ADAM29: variants seen among roughly 807,000 people sequenced by gnomAD.
The protein encoded by ADAM29 is disintegrin and metalloproteinase domain-containing protein 29.
For synonymous variants in ADAM29, 367 were observed against 342.3 expected (o/e 1.07, Z -0.80); for missense variants, 969 against 1,001.8 (o/e 0.97, Z 0.44).
chr4:174,974,339 G>A (rs1746632598), intron 4 of ADAM29, among the ~76,000 whole-genome samples: 1 of 152,212 alleles, frequency 6.6e-6, no homozygotes, highest in South Asian at 2.1e-4. Context: ...CTAGCACCCA[G>A]TTTGGGATAT....
intron 4 of ADAM29, among the ~76,000 whole-genome samples, chr4:174,952,214 A>C (rs1443818573): frequency 6.6e-6 from 1 of 152,154 alleles, no homozygotes; most frequent in Non-Finnish European, 1.5e-5. Flanking sequence ...AACATTTGAC[A>C]TGAGGGCTCT....
chr4:174,923,981 G>C (rs1010619601), intron 2 of ADAM29: 1 of 152,200 alleles, frequency 6.6e-6, no homozygotes, highest in African/African-American at 2.4e-5. Flanking sequence ...CTGTCTTCAT[G>C]AATTCTTTGA....
At chr4:174,955,083 A>AT (rs34206570) in intron 4 of ADAM29, among the ~76,000 whole-genome samples, 2 of 151,608 alleles carry the variant, frequency 1.3e-5, no homozygotes, top group Non-Finnish European at 2.9e-5. Context: ...TATTAAATGC[A>AT]TTTTTTTTCA....
rs561389549 is a variant in ADAM29, at chr4:174,977,722, C to A, written c.2197C>A (p.Gln733Lys). ...ACCTCATGAGTTACCTCCCCAGAGT[C>A]AACCTTGGGTGATGCCTTCCCAGAG... ...RRPHELPPQS[Q>K]PWVMPSQSQP... Residue 733 changes from glutamine to lysine, a missense_variant, in exon 5 of 5, where the codon CAA (glutamine) becomes AAA (lysine). Gln to Lys is a moderately conservative substitution (Grantham distance 53). Coordinates refer to ENST00000359240, the MANE Select transcript of ADAM29 (RefSeq NM_014269.4). The A allele has an allele frequency of 1.2e-6, 2 of 1,613,686 alleles. No individual in the cohort carries two copies. Among genetic ancestry groups the A allele is most frequent in the Admixed American group, 3.3e-5 (2 of 60,014 alleles).
At position 174,969,960 on chromosome 4, in the gene ADAM29, G is replaced by A. The variant is rs183144570; in HGVS notation, c.-180-5386G>A. On this transcript the variant is annotated intron_variant, in intron 4 of 4. Coordinates refer to ENST00000359240, the MANE Select transcript of ADAM29 (RefSeq NM_014269.4). ...ATTGCCACATTTTCTCTGCAGTGTG[G>A]GGCTTGATTTATCATTCTATATTCT... Among the ~76,000 whole-genome samples the A allele has an allele frequency of 4.6e-5, 7 of 152,030 alleles. No homozygotes were observed. The East Asian group carries it at 1.3e-3, about 29-fold the overall frequency.
At position 174,960,549 on chromosome 4, in the gene ADAM29, A is replaced by G. The variant is rs554618850; in HGVS notation, c.-180-14797A>G. Among the ~76,000 whole-genome samples the G allele has an allele frequency of 4.8e-3, 732 of 152,176 alleles. 6 individuals are homozygous for G. Among genetic ancestry groups the G allele is most frequent in the African/African-American group, 0.017 (703 of 41,522 alleles). Reference sequence around the variant, plus strand: ...ATATTGTTCTACAATTCTCAATTAAATCATTCTGGATGAGAAGGGACCTAA... The same window carrying G: ...ATATTGTTCTACAATTCTCAATTAAGTCATTCTGGATGAGAAGGGACCTAA... On this transcript the variant is annotated intron_variant, in intron 4 of 4. Transcript: ENST00000359240.
At chr4:174,974,105 T>A (rs1246795402) in intron 4 of ADAM29, among the ~76,000 whole-genome samples, 1 of 152,192 alleles carries the variant, frequency 6.6e-6, no homozygotes, top group Non-Finnish European at 1.5e-5. Context: ...GAATGTGGAC[T>A]GTGTTTGGTG....
At chr4:174,944,711 CTGT>C (rs1744741911) in intron 4 of ADAM29, among the ~76,000 whole-genome samples, 1 of 152,112 alleles carries the variant, frequency 6.6e-6, no homozygotes, top group South Asian at 2.1e-4. Context: ...GCCCTCATGT[CTGT>C]TGTTCTATCC....
chr4:174,976,161 T>C lies in ADAM29; in HGVS notation c.636T>C (p.Ile212=). 1.7e-5 allele frequency: 28 copies of C among 1,613,060 alleles called. No homozygotes were observed. Among genetic ancestry groups the C allele is most frequent in the Non-Finnish European group, 2.4e-5 (28 of 1,179,768 alleles). The part of the protein sequence containing the change: ...IVVVIDNYLY[I]RYERNDSKLL... ...TCGTCATTGATAATTATCTGTACAT[T>C]CGTTATGAAAGGAACGACTCAAAGT... is the stretch of plus-strand genomic sequence containing the variant. The change falls in exon 5 of 5, where the codon ATT becomes ATC. Residue 212 remains isoleucine, a synonymous_variant. Transcript: ENST00000359240.
intron 4 of ADAM29, among the ~76,000 whole-genome samples, chr4:174,975,047 T>C (rs1223080213): frequency 1.3e-5 from 2 of 152,216 alleles, no homozygotes; most frequent in Admixed American, 6.5e-5. Context: ...TCAATTATTG[T>C]GGAAATATTT....
At chr4:174,949,509 C>T (rs573689236) in intron 4 of ADAM29, among the ~76,000 whole-genome samples, 12 of 152,110 alleles carry the variant, frequency 7.9e-5, no homozygotes, top group East Asian at 1.9e-4. Context: ...ATTACCCCTT[C>T]GCCAGGAGTC....
At chr4:174,947,801 T>A (rs1490213264) in intron 4 of ADAM29, among the ~76,000 whole-genome samples, 1 of 152,158 alleles carries the variant, frequency 6.6e-6, no homozygotes, top group Admixed American at 6.5e-5. Flanking sequence ...ACTTTGTTAG[T>A]TTTCTGCCTC....
At chr4:174,962,702 A>G (rs978125337) in intron 4 of ADAM29, among the ~76,000 whole-genome samples, 2 of 152,172 alleles carry the variant, frequency 1.3e-5, no homozygotes, top group African/African-American at 4.8e-5. Flanking sequence ...CCATCCCACA[A>G]CGTATATGTA....
At chr4:174,960,112 CTTA>C (rs1265343865) in intron 4 of ADAM29, among the ~76,000 whole-genome samples, 3 of 151,924 alleles carry the variant, frequency 2.0e-5, no homozygotes, top group Non-Finnish European at 2.9e-5. Context: ...ATAATATTTT[CTTA>C]TTAACATTCA....
chr4:174,973,609 T>C (rs1234063143), intron 4 of ADAM29, among the ~76,000 whole-genome samples: 1 of 152,224 alleles, frequency 6.6e-6, no homozygotes, highest in East Asian at 1.9e-4. Context: ...ATAGTTGCCT[T>C]TCTATGTTTA....
intron 4 of ADAM29, among the ~76,000 whole-genome samples, chr4:174,938,400 G>A (rs752884873): frequency 1.3e-5 from 2 of 152,040 alleles, no homozygotes; most frequent in East Asian, 1.9e-4. Context: ...AAGTAGATGA[G>A]CAATTGAGAA....
At position 174,976,499 on chromosome 4, in the gene ADAM29, C is replaced by T. The variant is rs1376737898; in HGVS notation, c.974C>T (p.Thr325Ile). The change falls in exon 5 of 5, where the codon ACT becomes ATT. Residue 325 changes from threonine to isoleucine, a missense_variant. Coordinates refer to ENST00000359240, the MANE Select transcript of ADAM29 (RefSeq NM_014269.4). ...IVTFMNKTLG[T>I]FSIAVAHHLG... ...ACTTTCATGAACAAAACTTTGGGCA[C>T]TTTTTCAATTGCAGTGGCTCATCAT... 1 of 1,611,700 alleles carries T rather than the reference C, an allele frequency of 6.2e-7. No homozygotes were observed. The highest frequency in any genetic ancestry group is 1.3e-5 in the African/African-American group (1 of 74,996).
Position 174,927,958 on chromosome 4 carries a change from A to G in ADAM29, c.-450-3028A>G, listed in dbSNP as rs559208257. On this transcript the variant is annotated intron_variant, in intron 2 of 4. Coordinates refer to ENST00000359240, the MANE Select transcript of ADAM29 (RefSeq NM_014269.4). ...CCTTTCTGAGCCACCTTCTTTTGCTAGATTATGGGCTGGGAAACACTTGGC... is the reference window on the plus strand; with the variant it reads ...CCTTTCTGAGCCACCTTCTTTTGCTGGATTATGGGCTGGGAAACACTTGGC... Among the ~76,000 whole-genome samples, 34 of 152,238 alleles carry G rather than the reference A, an allele frequency of 2.2e-4. No homozygotes were observed. In the South Asian group the frequency reaches 6.8e-3, roughly 31 times the overall value.
At chr4:174,923,318 G>A (rs993937759) in intron 2 of ADAM29, among the ~76,000 whole-genome samples, 1 of 151,730 alleles carries the variant, frequency 6.6e-6, no homozygotes, top group Non-Finnish European at 1.5e-5. Flanking sequence ...GACTCCCAAA[G>A]TGCTGGGATT....
Sources: allele counts gnomAD v4.1 joint callset (sites outside exome capture counted in the v4.1 genomes callset), GRCh38; gene constraint gnomAD v4.1.1; transcripts MANE v1.5; gene names NCBI Gene and HGNC (gene_info 2026-07-23, HGNC 2026-07-21).